Variants in RAPGEF1 observed in about 807,000 individuals in gnomAD.
The protein encoded by RAPGEF1 is CRK SH3-binding GNRP.
In RAPGEF1, 33 loss-of-function variants were observed where a neutral mutation model predicts 143.3. The ratio of observed to expected loss-of-function variants is 0.23; its 90% confidence interval spans 0.17 to 0.31. RAPGEF1 has a LOEUF of 0.31. RAPGEF1 is among the 10% of genes least tolerant of loss of function. RAPGEF1 has a pLI of 1.00. For synonymous variants in RAPGEF1, 629 were observed against 676.5 expected (o/e 0.93, Z 1.09); for missense variants, 1,199 against 1,645.4 (o/e 0.73, Z 4.69).
intron 1 of RAPGEF1, among the ~76,000 whole-genome samples, chr9:131,711,098 T>TG (rs1329752914): frequency 2.6e-5 from 4 of 151,062 alleles, no homozygotes; most frequent in African/African-American, 9.7e-5. Flanking sequence ...TCACCCAGGC[T>TG]GGCGTGCAGT....
In RAPGEF1 at chr9:131,726,542, C is replaced by G. The variant is rs184568393; in HGVS notation, c.61+13228G>C. 5.4e-3 allele frequency among the ~76,000 whole-genome samples: 697 copies of G among 127,928 alleles called. 5 individuals are homozygous for G. The highest frequency in any genetic ancestry group is 0.018 in the African/African-American group (660 of 37,642). 83.9% of individuals were successfully genotyped at this position (127,928 alleles called of 152,430 possible). The stretch of plus-strand genomic sequence containing the variant: ...TTGGGAGGCTGAAGCAGGAGAATCA[C>G]CTGAGCCCAGGAGGCAGAGGTTGCA... On this transcript the variant is annotated intron_variant, in intron 1 of 26. Coordinates refer to ENST00000683357, the MANE Select transcript of RAPGEF1 (RefSeq NM_001377935.1).
At position 131,579,695 on chromosome 9, in the gene RAPGEF1, A is replaced by C. The variant is rs1467976257; in HGVS notation, c.3642-48T>G. 5 of 1,586,410 alleles carry C rather than the reference A, an allele frequency of 3.2e-6. No individual in the cohort carries two copies. In the African/African-American group the frequency reaches 4.0e-5, roughly 13 times the overall value. ...GTCAGTGAGCACCTGTGTGGGCTGG[A>C]TGGCCCGATGGCGCCACCCTCCTGG... On this transcript the variant is annotated intron_variant, in intron 26 of 26. Coordinates refer to ENST00000683357, the MANE Select transcript of RAPGEF1 (RefSeq NM_001377935.1).
intron 22 of RAPGEF1, among the ~76,000 whole-genome samples, chr9:131,586,300 TCC>T (rs1271481642): frequency 1.3e-5 from 1 of 78,812 alleles, no homozygotes; most frequent in Non-Finnish European, 2.4e-5. Context: ...AGAGCCAGAC[TCC>T]GTCTCAAACA....
intron 5 of RAPGEF1, 85 bp from the exon 6 acceptor site, chr9:131,630,409 C>T: frequency 7.6e-7 from 1 of 1,317,030 alleles, no homozygotes; most frequent in Non-Finnish European, 1.1e-6. Context: ...TGTCTGTCCT[C>T]TGCTGCTGAG....
At position 131,667,439 on chromosome 9, in the gene RAPGEF1, C is replaced by G. The variant is rs936779651; in HGVS notation, c.62-16490G>C. 6.6e-6 allele frequency among the ~76,000 whole-genome samples: 1 copy of G among 152,184 alleles called. No individual in the cohort carries two copies. The highest frequency in any genetic ancestry group is 1.5e-5 in the Non-Finnish European group (1 of 68,030). The stretch of plus-strand genomic sequence containing the variant: ...CCTACACGGAGGTACTGCCCATTTC[C>G]TCCTCCACAGTACCTGGTACAGGGA... On this transcript the variant is annotated intron_variant, in intron 1 of 26. Transcript: ENST00000683357. The surrounding 1 kb of genome is among the most constrained non-coding windows in gnomAD (Gnocchi z 4.6).
chr9:131,655,731 C>T lies in RAPGEF1; in HGVS notation c.62-4782G>A, dbSNP rs936504402. Among the ~76,000 whole-genome samples the T allele has an allele frequency of 6.6e-6, 1 of 152,114 alleles. No homozygotes were observed. The highest frequency in any genetic ancestry group is 2.4e-5 in the African/African-American group (1 of 41,418). ...TTGCACCACTGCACTCCAGCCTGGG[C>T]GACTGCCACCACGCCTGGCTAATTT... On this transcript the variant is annotated intron_variant, in intron 1 of 26. Coordinates refer to ENST00000683357, the MANE Select transcript of RAPGEF1 (RefSeq NM_001377935.1). This position sits in a 1 kb window ranked among gnomAD's most constrained non-coding sequence, Gnocchi z 4.1.
At position 131,619,070 on chromosome 9, in the gene RAPGEF1, C is replaced by A; in HGVS notation, c.2042G>T (p.Gly681Val). 1 of 1,359,356 alleles carries A rather than the reference C, an allele frequency of 7.4e-7. No individual in the cohort carries two copies. The highest frequency in any genetic ancestry group is 1.2e-5 in the South Asian group (1 of 86,244). 84.2% of individuals were successfully genotyped at this position (1,359,356 alleles called of 1,614,324 possible). A position where few individuals can be genotyped will look rare whatever the true frequency, so the allele number is the denominator to read the frequency against. ...SVSNSFLSRHGSLPVPSYKSV... is the reference protein window; with the variant it reads ...SVSNSFLSRHVSLPVPSYKSV... ...ACTCACCGAGGGCACGGGCAAGCTG[C>A]CGTGCCGGCTGAGAAAGGAGTTAGA... The change falls in exon 12 of 27, where the codon GGC (glycine) becomes GTC (valine). Residue 681 changes from glycine (G) to valine (V), a missense_variant. Transcript: ENST00000683357.
At chr9:131,688,668 AC>A (rs796195087) in intron 1 of RAPGEF1, among the ~76,000 whole-genome samples, 20 of 152,216 alleles carry the variant, frequency 1.3e-4, no homozygotes, top group African/African-American at 4.8e-4. Flanking sequence ...GTGGTGGCTC[AC>A]CCCTGTAATC....
At chr9:131,638,432 C>T (rs1966853801) in intron 5 of RAPGEF1, among the ~76,000 whole-genome samples, 1 of 152,256 alleles carries the variant, frequency 6.6e-6, no homozygotes, top group Non-Finnish European at 1.5e-5. Flanking sequence ...TAAGGGCTGA[C>T]TGCTCTAGAC....
chr9:131,690,211 G>A (rs1833683852), intron 1 of RAPGEF1, among the ~76,000 whole-genome samples: 1 of 152,228 alleles, frequency 6.6e-6, no homozygotes, highest in Non-Finnish European at 1.5e-5. Context: ...AACTCTGTAT[G>A]TGAGGGAAAT....
At chr9:131,619,504 T>C (rs149116315) in intron 11 of RAPGEF1, among the ~76,000 whole-genome samples, 2 of 152,316 alleles carry the variant, frequency 1.3e-5, no homozygotes, top group African/African-American at 4.8e-5. Flanking sequence ...GGGCTGACTC[T>C]GGGCTTGGAG....
chr9:131,585,813 G>A (rs530498838), intron 22 of RAPGEF1, among the ~76,000 whole-genome samples: 1 of 152,048 alleles, frequency 6.6e-6, no homozygotes, highest in Non-Finnish European at 1.5e-5. Context: ...GCTGCTATGG[G>A]GGCTTTGTCG....
At chr9:131,639,467 TGAGA>T (rs1219319968) in intron 4 of RAPGEF1, among the ~76,000 whole-genome samples, 1 of 143,236 alleles carries the variant, frequency 7.0e-6, no homozygotes, top group Non-Finnish European at 1.6e-5. Context: ...TGTGTGTGTG[TGAGA>T]GAGAGACCAC....
intron 1 of RAPGEF1, among the ~76,000 whole-genome samples, chr9:131,654,549 A>C (rs11243463): frequency 2.0e-5 from 3 of 151,980 alleles, no homozygotes; most frequent in Admixed American, 2.0e-4. Flanking sequence ...CTACCTACAA[A>C]ATATTAGCTG....
At chr9:131,678,760 G>C (rs140120489) in intron 1 of RAPGEF1, among the ~76,000 whole-genome samples, 42 of 152,274 alleles carry the variant, frequency 2.8e-4, no homozygotes, top group African/African-American at 1.0e-3. Context: ...GGTGCAAAAG[G>C]ACACCCAATC....
Position 131,577,620 on chromosome 9 carries a change from A to G in RAPGEF1, c.*1877T>C, listed in dbSNP as rs1274177932. 6.6e-6 allele frequency: 1 copy of G among 152,316 alleles called. No individual in the cohort carries two copies. The highest frequency in any genetic ancestry group is 2.4e-5 in the African/African-American group (1 of 41,474). The allele number at this position is 152,316 out of a possible 1,614,324, so 9.4% of individuals were successfully genotyped here. A position where few individuals can be genotyped will look rare whatever the true frequency, so the allele number is the denominator to read the frequency against. ...CCTCACACGCGCACAGCAGCATTCA[A>G]CAGAGCTGGGCAAGGGAAGGGGAGA... On this transcript the variant is annotated 3_prime_UTR_variant, in exon 27 of 27. Coordinates refer to ENST00000683357, the MANE Select transcript of RAPGEF1 (RefSeq NM_001377935.1).
At chr9:131,687,864 A>T (rs1833481601) in intron 1 of RAPGEF1, among the ~76,000 whole-genome samples, 1 of 152,168 alleles carries the variant, frequency 6.6e-6, no homozygotes, top group African/African-American at 2.4e-5. Context: ...CAATCTTGAT[A>T]CTCCACCATC....
chr9:131,603,203 G>A (rs1249765359), intron 14 of RAPGEF1, among the ~76,000 whole-genome samples: 2 of 152,226 alleles, frequency 1.3e-5, no homozygotes, highest in African/African-American at 4.8e-5. Context: ...AGCTCTTCAC[G>A]GGTGGGGGCC....
Position 131,733,375 on chromosome 9 carries a change from G to C in RAPGEF1, c.61+6395C>G, listed in dbSNP as rs1436384098. Reference sequence around the variant, plus strand: ...AAGCCGGGGCGGGGGCGGGGGGGGGGGTGGTGCGGGGTTGGCGGGGGCAGT... The same window carrying C: ...AAGCCGGGGCGGGGGCGGGGGGGGGCGTGGTGCGGGGTTGGCGGGGGCAGT... On this transcript the variant is annotated intron_variant, in intron 1 of 26. Transcript: ENST00000683357. Among the ~76,000 whole-genome samples the C allele has an allele frequency of 8.4e-5, 10 of 119,058 alleles. No individual in the cohort carries two copies. The East Asian group carries it at 2.7e-3, about 32-fold the overall frequency. The allele number at this position is 119,058 out of a possible 152,430, so 78.1% of individuals were successfully genotyped here.
Sources: allele counts gnomAD v4.1 joint callset (sites outside exome capture counted in the v4.1 genomes callset), GRCh38; gene constraint gnomAD v4.1.1; non-coding constraint Gnocchi (gnomAD v3.1); transcripts MANE v1.5; gene names NCBI Gene and HGNC (gene_info 2026-07-23, HGNC 2026-07-21).